TMTC2: variants seen among roughly 807,000 people sequenced by gnomAD.
TMTC2 encodes transmembrane O-mannosyltransferase targeting cadherins 2.
In TMTC2, 43 loss-of-function variants were observed where a neutral mutation model predicts 82.4. The ratio of observed to expected loss-of-function variants is 0.52; its 90% CI spans 0.41 to 0.67. The LOEUF is 0.67. Ranked by LOEUF, TMTC2 falls within the 30% of genes least tolerant of loss-of-function variation. The pLI, the probability that TMTC2 is intolerant of heterozygous loss-of-function variation, is 0.00. For missense variants in TMTC2, 919 were observed against 1,012.4 expected, an observed-to-expected ratio of 0.91 and a Z score of 1.25; for synonymous variants, 408 against 381.9, an observed-to-expected ratio of 1.07 and a Z score of -0.80.
chr12:83,016,887 TG>T (rs1268078512), intron 8 of TMTC2, among the ~76,000 whole-genome samples: 1 of 152,204 alleles, frequency 6.6e-6, no homozygotes, highest in African/African-American at 2.4e-5. Context: ...GGGCTTTTTA[TG>T]GGGATGTAAT....
At chr12:82,997,416 A>ATATATATGTG (rs1879711846) in intron 8 of TMTC2, among the ~76,000 whole-genome samples, 1 of 111,240 alleles carries the variant, frequency 9.0e-6, no homozygotes, top group African/African-American at 3.5e-5. Flanking sequence ...ATATGTGTAT[A>ATATATATGTG]TATATATATA....
At chr12:82,797,722 A>G (rs568337669) in intron 1 of TMTC2, among the ~76,000 whole-genome samples, 3 of 152,158 alleles carry the variant, frequency 2.0e-5, no homozygotes, top group African/African-American at 7.2e-5. Flanking sequence ...GCTTACTCAT[A>G]TATTCAGTGC....
chr12:83,129,978 T>G (rs956208757), intron 11 of TMTC2, among the ~76,000 whole-genome samples: 2 of 152,170 alleles, frequency 1.3e-5, no homozygotes, highest in African/African-American at 4.8e-5. Context: ...ACACTATAGG[T>G]GCAGACACTT....
chr12:82,700,411 T>A (rs977544732), intron 1 of TMTC2, among the ~76,000 whole-genome samples: 1 of 152,212 alleles, frequency 6.6e-6, no homozygotes, highest in Non-Finnish European at 1.5e-5. Context: ...TTTAAAGATT[T>A]TTCATAAAAG....
chr12:82,762,756 A>C (rs1294295647), intron 1 of TMTC2, among the ~76,000 whole-genome samples: 1 of 152,360 alleles, frequency 6.6e-6, no homozygotes, highest in Admixed American at 6.5e-5. Context: ...TGTGAATTTT[A>C]AAAGTGGATA....
intron 11 of TMTC2, among the ~76,000 whole-genome samples, chr12:83,111,619 C>T (rs1206219583): frequency 2.0e-5 from 3 of 152,000 alleles, no homozygotes; most frequent in African/African-American, 4.8e-5. Flanking sequence ...TAAAATGTAT[C>T]ACAATATAAA....
chr12:82,777,103 A>G (rs1367206140), intron 1 of TMTC2, among the ~76,000 whole-genome samples: 1 of 152,162 alleles, frequency 6.6e-6, no homozygotes, highest in Non-Finnish European at 1.5e-5. Context: ...ACCCCCATGG[A>G]GTTGAACATG....
intron 1 of TMTC2, among the ~76,000 whole-genome samples, chr12:82,790,556 C>G (rs932548922): frequency 6.6e-6 from 1 of 151,922 alleles, no homozygotes; most frequent in Admixed American, 6.6e-5. Flanking sequence ...TGGCCGGGCG[C>G]GGTGGCTTAT....
chr12:82,931,602 G>T (rs2137244748), intron 4 of TMTC2, among the ~76,000 whole-genome samples: 1 of 152,224 alleles, frequency 6.6e-6, no homozygotes, highest in South Asian at 2.1e-4. Context: ...CCCCTAACTG[G>T]AAATTCCTGG....
chr12:83,045,707 T>TCTCACACACACACACACA (rs1555208196), intron 9 of TMTC2, among the ~76,000 whole-genome samples: 7 of 122,706 alleles, frequency 5.7e-5, no homozygotes, highest in Admixed American at 1.6e-4. Flanking sequence ...AAGGGCTCCT[T>TCTCACACACACACACACA]CACACACACA....
chr12:82,797,188 G>A (rs1349386334), intron 1 of TMTC2, among the ~76,000 whole-genome samples: 1 of 152,118 alleles, frequency 6.6e-6, no homozygotes, highest in Non-Finnish European at 1.5e-5. Context: ...TGTTCCACAA[G>A]TGATCTTGAA....
At chr12:82,784,701 G>A (rs1878089679) in intron 1 of TMTC2, among the ~76,000 whole-genome samples, 1 of 152,068 alleles carries the variant, frequency 6.6e-6, no homozygotes, top group African/African-American at 2.4e-5. Flanking sequence ...GGAAATGTGG[G>A]GTTGGTATGT....
chr12:83,066,750 G>C lies in TMTC2; in HGVS notation c.2331+4919G>C, dbSNP rs371826641. ...AAGATCTGATTAAGATAATTAGTTGGCCACCATATATGTTCCAAAATTTTG... is the reference window on the plus strand; with the variant it reads ...AAGATCTGATTAAGATAATTAGTTGCCCACCATATATGTTCCAAAATTTTG... On this transcript the variant is annotated intron_variant, in intron 11 of 11. Transcript: ENST00000321196. 1.4e-4 allele frequency among the ~76,000 whole-genome samples: 22 copies of C among 151,932 alleles called. No individual in the cohort carries two copies. In the East Asian group the frequency reaches 4.3e-3, roughly 29 times the overall value.
intron 9 of TMTC2, among the ~76,000 whole-genome samples, chr12:83,044,730 G>T (rs532671831): frequency 6.6e-6 from 1 of 152,272 alleles, no homozygotes; most frequent in African/African-American, 2.4e-5. Context: ...ATTTTTATTT[G>T]ATTTTGAACA....
chr12:82,840,714 G>A (rs1039004365), intron 1 of TMTC2, among the ~76,000 whole-genome samples: 1 of 152,224 alleles, frequency 6.6e-6, no homozygotes, highest in Admixed American at 6.5e-5. Flanking sequence ...CCAAGTATAT[G>A]AATTTGGGGT....
In TMTC2 at chr12:82,981,843, C is replaced by A. The variant is rs12314132; in HGVS notation, c.1949-4082C>A. Among the ~76,000 whole-genome samples the A allele has an allele frequency of 8.8e-3, 1,330 of 151,858 alleles. 17 individuals carry two copies. Among genetic ancestry groups the A allele is most frequent in the African/African-American group, 0.03 (1,259 of 41,490 alleles). On this transcript the variant is annotated intron_variant, in intron 7 of 11. Coordinates refer to ENST00000321196, the MANE Select transcript of TMTC2 (RefSeq NM_152588.3). Reference sequence around the variant, plus strand: ...AGCACTTTAACCAAGCTTGTAGAATCCCATATATACCACTCTGTCCTAAAA... The same window carrying A: ...AGCACTTTAACCAAGCTTGTAGAATACCATATATACCACTCTGTCCTAAAA...
chr12:82,937,372 G>T (rs1876372389), intron 4 of TMTC2, among the ~76,000 whole-genome samples: 1 of 151,956 alleles, frequency 6.6e-6, no homozygotes, highest in Admixed American at 6.6e-5. Flanking sequence ...ACATGATGTT[G>T]TCCTGTGTAT....
intron 1 of TMTC2, among the ~76,000 whole-genome samples, chr12:82,778,635 G>A (rs926977114): frequency 1.3e-5 from 2 of 151,918 alleles, no homozygotes; most frequent in Non-Finnish European, 2.9e-5. Context: ...GGATCACCAG[G>A]TCAGGAGATC....
chr12:82,961,333 T>G (rs1044665392), intron 4 of TMTC2, among the ~76,000 whole-genome samples: 2 of 151,820 alleles, frequency 1.3e-5, no homozygotes, highest in African/African-American at 4.8e-5. Flanking sequence ...ACCCTAGTCA[T>G]AACAGTGCTA....
Sources: gnomAD v4.1 joint callset for allele counts (sites outside exome capture counted in the v4.1 genomes callset) on GRCh38, gnomAD v4.1.1 for gene constraint, MANE v1.5 for transcripts, NCBI Gene and HGNC (gene_info 2026-07-23, HGNC 2026-07-21) for gene names.